MAU2: variants seen among roughly 807,000 people sequenced by gnomAD.
MAU2 encodes the protein MAU2 chromatid cohesion factor homolog.
In MAU2, 9 loss-of-function variants were observed where a neutral mutation model predicts 89.1. The observed-to-expected ratio is 0.10, with a 90% CI of 0.06 to 0.18. The LOEUF is 0.18. Among genes scored for constraint, MAU2 ranks in the 10% least tolerant of loss-of-function variants. The pLI is 1.00. For missense variants in MAU2, 425 were observed against 803.5 expected, an observed-to-expected ratio of 0.53 and a Z score of 5.69; for synonymous variants, 357 against 343.4, an observed-to-expected ratio of 1.04 and a Z score of -0.44.
Position 19,338,869 on chromosome 19 carries a change from C to T in MAU2, c.481C>T (p.Leu161=). 6.2e-7 allele frequency: 1 copy of T among 1,613,694 alleles called. No homozygotes were observed. Among genetic ancestry groups the T allele is most frequent in the South Asian group, 1.1e-5 (1 of 90,988 alleles). Residue 161 remains leucine, a synonymous_variant, in exon 5 of 19, where the codon CTG becomes TTG. Transcript: ENST00000262815. ...GCAACTGCACACGCTTGAGAAGGAC[C>T]TGGTGTCGGCCTGTGACCTCCTGGG... is the stretch of plus-strand genomic sequence containing the variant. ...LAQLHTLEKD[L]VSACDLLGVG... is the part of the protein sequence containing the mutation.
At chr19:19,348,599 C>T (rs192301377) in intron 13 of MAU2, 9 of 559,880 alleles carry the variant, frequency 1.6e-5, no homozygotes, top group African/African-American at 1.5e-4. Context: ...CTACCCACTG[C>T]CAGGCCAGCC....
At chr19:19,353,232 A>G (rs1337502857) in intron 16 of MAU2, 1 of 152,198 alleles carries the variant, frequency 6.6e-6, no homozygotes, top group East Asian at 1.9e-4. Context: ...CCAAGCTGGC[A>G]TTGGGGGAAC....
chr19:19,331,965 G>A (rs933361931), intron 1 of MAU2, among the ~76,000 whole-genome samples: 1 of 152,196 alleles, frequency 6.6e-6, no homozygotes, highest in African/African-American at 2.4e-5. Flanking sequence ...GCCATTTAGG[G>A]CTTTGTGTCT....
In MAU2 at chr19:19,357,479, T is replaced by G. The variant is rs2048192934; in HGVS notation, c.*1697T>G. 6.5e-6 allele frequency: 1 copy of G among 153,142 alleles called. No individual in the cohort carries two copies. Among genetic ancestry groups the G allele is most frequent in the Non-Finnish European group, 1.5e-5 (1 of 68,166 alleles). 9.5% of individuals were successfully genotyped at this position (153,142 alleles called of 1,614,324 possible). ...TACATCCCAGAGATGCCACCACTTG[T>G]GTCTCCACAATGTGCTCCTGCCCAC... On this transcript the variant is annotated 3_prime_UTR_variant, in exon 19 of 19. Transcript: ENST00000262815.
rs769267 is a variant in MAU2, at chr19:19,336,127, G to A, written c.300G>A (p.Pro100=). 1,030,689 of 1,608,680 alleles carry A rather than the reference G, an allele frequency of 0.64. 335,454 individuals are homozygous for A. The highest frequency in any genetic ancestry group is 0.7 in the East Asian group (31,264 of 44,834). Residue 100 remains proline, a synonymous_variant, in exon 3 of 19, where the codon CCG becomes CCA. Transcript: ENST00000262815. ...CCTTAACTGGACGTCACTAGATCCC[G>A]CAGTTCGAAGATGTTAAATTTGAAG... The part of the protein sequence containing the change: ...EKAWLISQQI[P]QFEDVKFEAA...
intron 16 of MAU2, 75 bp from the exon 17 acceptor site, chr19:19,354,280 C>A: frequency 1.7e-6 from 2 of 1,178,690 alleles, no homozygotes; most frequent in Admixed American, 3.5e-5. Context: ...CCAGATTATC[C>A]CCACCCCAAC....
At position 19,349,452 on chromosome 19, in the gene MAU2, TG is replaced by T. The variant is rs770619305; in HGVS notation, c.1548+19del. 13 of 1,608,890 alleles carry T rather than the reference TG, an allele frequency of 8.1e-6. No homozygotes were observed. Among genetic ancestry groups the T allele is most frequent in the Non-Finnish European group, 1.0e-5 (12 of 1,176,168 alleles). The stretch of plus-strand genomic sequence containing the variant: ...AAACCACAGGGTGAGTGCCCTGGCC[TG>T]GGCCCCTCGCTTGGGTGCCTGTGGG... On this transcript the variant is annotated intron_variant, in intron 16 of 18. Transcript: ENST00000262815.
chr19:19,343,164 C>T (rs555212389), intron 9 of MAU2, among the ~76,000 whole-genome samples: 2 of 152,332 alleles, frequency 1.3e-5, no homozygotes, highest in South Asian at 2.1e-4. Flanking sequence ...GACAGGGACA[C>T]TCGGGATGAG....
chr19:19,351,366 A>G (rs904117087), intron 16 of MAU2, among the ~76,000 whole-genome samples: 1 of 151,710 alleles, frequency 6.6e-6, no homozygotes, highest in Non-Finnish European at 1.5e-5. Flanking sequence ...TATCTCTTAA[A>G]AAAAAAAAAA....
rs564880650 is a variant in MAU2 at position 19,329,673 on chromosome 19, T to TA, written c.277-6035dup. ...AGGTGTTGCAAGCAATAGGGTAGTT[T>TA]AAAAAAAAAATGATTTTGAGCCAGG... On this transcript the variant is annotated intron_variant, in intron 1 of 18. Coordinates refer to ENST00000262815, the MANE Select transcript of MAU2 (RefSeq NM_015329.4). Among the ~76,000 whole-genome samples the TA allele has an allele frequency of 3.2e-3, 486 of 150,026 alleles. 4 individuals carry two copies. Among genetic ancestry groups the TA allele is most frequent in the Admixed American group, 0.022 (332 of 15,032 alleles).
chr19:19,337,329 C>G (rs2061605476), intron 4 of MAU2, 64 bp downstream of exon 4: 3 of 1,337,158 alleles, frequency 2.2e-6, no homozygotes, highest in African/African-American at 2.9e-5. Context: ...GCACACCTGC[C>G]CCATTTGCAA....
chr19:19,320,849 T>G lies in MAU2; in HGVS notation c.-11T>G. 6.6e-7 allele frequency: 1 copy of G among 1,519,522 alleles called. No individual in the cohort carries two copies. Among genetic ancestry groups the G allele is most frequent in the Non-Finnish European group, 8.7e-7 (1 of 1,144,490 alleles). 94.1% of individuals were successfully genotyped at this position (1,519,522 alleles called of 1,614,324 possible). ...TCCCTGTGGCGGCGGCTTGTTGTTG[T>G]GGAGGCCAAAATGGCGGCTCAGGCG... On this transcript the variant is annotated 5_prime_UTR_variant, in exon 1 of 19. Transcript: ENST00000262815.
intron 1 of MAU2, among the ~76,000 whole-genome samples, chr19:19,331,431 G>A (rs978135714): frequency 1.1e-4 from 16 of 151,962 alleles, no homozygotes; most frequent in South Asian, 2.1e-4. Flanking sequence ...GAACCTGGGA[G>A]GTGGAGCTTG....
At chr19:19,341,206 G>T (rs993797814) in intron 6 of MAU2, 46 bp from the exon 7 acceptor site, 1 of 1,577,018 alleles carries the variant, frequency 6.3e-7, no homozygotes. Flanking sequence ...TCCTGGGAGG[G>T]CCCCTGCAAG....
chr19:19,341,240 C>T lies in MAU2; in HGVS notation c.580-12C>T. 2 of 1,608,986 alleles carry T rather than the reference C, an allele frequency of 1.2e-6. No individual in the cohort carries two copies. Among genetic ancestry groups the T allele is most frequent in the East Asian group, 4.5e-5 (2 of 44,886 alleles). On this transcript the variant is annotated splice_polypyrimidine_tract_variant and intron_variant, in intron 6 of 18. Coordinates refer to ENST00000262815, the MANE Select transcript of MAU2 (RefSeq NM_015329.4). ...AGCCCTGTACCCTACACCTGCGCCTCTCCCTCCCCAGCTGCTGCTGATGGA... is the reference window on the plus strand; with the variant it reads ...AGCCCTGTACCCTACACCTGCGCCTTTCCCTCCCCAGCTGCTGCTGATGGA...
In MAU2 at chr19:19,349,190, G is replaced by A. The variant is rs1462528939; in HGVS notation, c.1394G>A (p.Arg465His). The A allele has an allele frequency of 1.9e-6, 3 of 1,614,174 alleles. No homozygotes were observed. The highest frequency in any genetic ancestry group is 8.5e-7 in the Non-Finnish European group (1 of 1,180,042). Residue 465 changes from arginine (R) to histidine (H), a missense_variant, in exon 15 of 19, where the codon CGT (arginine) becomes CAT (histidine). Arg to His is a conservative substitution (Grantham distance 29). This residue lies in a region of MAU2 where 66 missense variants were observed against 129.1 expected (regional missense o/e 0.51). Transcript: ENST00000262815. Reference sequence around the variant, plus strand: ...CTCCGAGCAGCCGCCTTCTATGTGCGTGGGCTCTTCTCCTTCTTCCAGGGA... The same window carrying A: ...CTCCGAGCAGCCGCCTTCTATGTGCATGGGCTCTTCTCCTTCTTCCAGGGA... The part of the protein sequence containing the change: ...HCLRAAAFYV[R>H]GLFSFFQGRY...
intron 16 of MAU2, among the ~76,000 whole-genome samples, chr19:19,351,837 A>ATTTTTTTTT (rs35932608): frequency 1.7e-5 from 1 of 58,918 alleles, no homozygotes. Context: ...CTGTTTGGTA[A>ATTTTTTTTT]TTTTTTTTTT....
At chr19:19,337,344 C>T (rs1231437760) in intron 4 of MAU2, 79 bp downstream of exon 4, 11 of 1,148,058 alleles carry the variant, frequency 9.6e-6, no homozygotes, top group Non-Finnish European at 1.4e-5. Context: ...TTGCAAAGAA[C>T]AGCAGAGTCC....
intron 14 of MAU2, 97 bp downstream of exon 14, chr19:19,349,035 C>CT: frequency 6.4e-7 from 1 of 1,556,204 alleles, no homozygotes. Flanking sequence ...CACCCCATAC[C>CT]CCTCCTCACA....
Sources: allele counts gnomAD v4.1 joint callset (sites outside exome capture counted in the v4.1 genomes callset), GRCh38; gene constraint gnomAD v4.1.1; regional missense constraint gnomAD v4.1.1; transcripts MANE v1.5; gene names NCBI Gene and HGNC (gene_info 2026-07-23, HGNC 2026-07-21).